The following CAMK2D variants were observed in gnomAD, a reference collection of about 807,000 sequenced individuals.
CAMK2D encodes calcium/calmodulin-dependent protein kinase type II subunit delta.
A neutral mutation model predicts 84.0 loss-of-function variants in CAMK2D; 37 were observed. That is an observed-to-expected ratio of 0.44 (90% CI 0.34 to 0.58). CAMK2D has a LOEUF of 0.58. Among genes scored for constraint, CAMK2D ranks in the 20% least tolerant of loss-of-function variants. The probability of loss-of-function intolerance (pLI) is 0.02; values close to 1 mark genes in which losing one functional copy is unlikely to be tolerated. For missense variants in CAMK2D, 448 were observed against 652.5 expected, an observed-to-expected ratio of 0.69 and a Z score of 3.41; for synonymous variants, 202 against 212.5, an observed-to-expected ratio of 0.95 and a Z score of 0.43.
rs1486170543 is a variant in CAMK2D at position 113,503,083 on chromosome 4, A to G, written c.1045-106T>C. On this transcript the variant is annotated intron_variant, in intron 14 of 20. Coordinates refer to ENST00000511664, the MANE Select transcript of CAMK2D (RefSeq NM_001321571.2). ...AGCCAGCTGACAAAATGAAATAGTG[A>G]CAAGAGCTAAAGCGATGTTAACTGC... is the stretch of plus-strand genomic sequence containing the variant. The G allele has an allele frequency of 2.4e-5, 20 of 825,240 alleles. 1 individual carries two copies. Among genetic ancestry groups the G allele is most frequent in the South Asian group, 2.3e-4 (17 of 74,400 alleles). The allele number at this position is 825,240 out of a possible 1,614,324, so 51.1% of individuals were successfully genotyped here. A position where few individuals can be genotyped will look rare whatever the true frequency, so the allele number is the denominator to read the frequency against.
chr4:113,656,763 G>T (rs2099202503), intron 3 of CAMK2D, among the ~76,000 whole-genome samples: 1 of 152,006 alleles, frequency 6.6e-6, no homozygotes, highest in Non-Finnish European at 1.5e-5. Context: ...CTGTCATTTA[G>T]ATATCAGTTT....
intron 4 of CAMK2D, among the ~76,000 whole-genome samples, chr4:113,571,946 A>T (rs997260238): frequency 6.6e-6 from 1 of 152,220 alleles, no homozygotes; most frequent in Admixed American, 6.5e-5. Flanking sequence ...CTCAAACAAC[A>T]TACTCTCGAA....
intron 4 of CAMK2D, among the ~76,000 whole-genome samples, chr4:113,600,014 T>C (rs1050998184): frequency 6.6e-6 from 1 of 152,204 alleles, no homozygotes; most frequent in African/African-American, 2.4e-5. Flanking sequence ...CTGACTTTAT[T>C]ACTAAGTGAA....
chr4:113,725,103 G>A (rs1285943354), intron 2 of CAMK2D, among the ~76,000 whole-genome samples: 1 of 151,902 alleles, frequency 6.6e-6, no homozygotes, highest in Non-Finnish European at 1.5e-5. Context: ...TAATTTAATA[G>A]GCTTAAGATG....
intron 2 of CAMK2D, among the ~76,000 whole-genome samples, chr4:113,751,395 A>G (rs2099616897): frequency 6.6e-6 from 1 of 152,204 alleles, no homozygotes; most frequent in African/African-American, 2.4e-5. Context: ...ATTTTGATAA[A>G]TTTTCACTTA....
intron 2 of CAMK2D, among the ~76,000 whole-genome samples, chr4:113,707,113 A>C (rs1184064109): frequency 6.6e-6 from 1 of 152,186 alleles, no homozygotes; most frequent in Non-Finnish European, 1.5e-5. Context: ...ATAGCGAGCC[A>C]CCATTCTCGT....
At chr4:113,473,376 C>A (rs1013773562) in intron 16 of CAMK2D, among the ~76,000 whole-genome samples, 1 of 152,128 alleles carries the variant, frequency 6.6e-6, no homozygotes, top group Non-Finnish European at 1.5e-5. Flanking sequence ...CGGCTTGTTT[C>A]TCTGTGACTT....
intron 3 of CAMK2D, among the ~76,000 whole-genome samples, chr4:113,625,976 T>C (rs2099066488): frequency 6.7e-6 from 1 of 150,374 alleles, no homozygotes; most frequent in Admixed American, 6.6e-5. Flanking sequence ...ATTGCACCAC[T>C]GCACCCCAGC....
At chr4:113,589,474 G>T (rs2098849838) in intron 4 of CAMK2D, among the ~76,000 whole-genome samples, 2 of 152,120 alleles carry the variant, frequency 1.3e-5, no homozygotes, top group South Asian at 4.2e-4. Context: ...GGAGCGGAGT[G>T]AAATATATTC....
intron 16 of CAMK2D, among the ~76,000 whole-genome samples, chr4:113,487,505 A>G (rs1024254627): frequency 2.6e-5 from 4 of 152,108 alleles, no homozygotes; most frequent in Non-Finnish European, 5.9e-5. Flanking sequence ...CATAGCAAAT[A>G]ATTAGGATTT....
chr4:113,464,525 T>C (rs1029671767), intron 17 of CAMK2D, among the ~76,000 whole-genome samples: 2 of 152,366 alleles, frequency 1.3e-5, no homozygotes, highest in East Asian at 1.9e-4. Flanking sequence ...ATCTCCGTTT[T>C]GCATTTTAAG....
intron 16 of CAMK2D, among the ~76,000 whole-genome samples, chr4:113,478,254 C>G (rs866658988): frequency 2.6e-5 from 4 of 152,184 alleles, no homozygotes; most frequent in South Asian, 4.1e-4. Context: ...GTTAATTTAA[C>G]TAACCCAGAT....
At chr4:113,678,826 AAGAC>A (rs553026852) in intron 2 of CAMK2D, among the ~76,000 whole-genome samples, 248 of 152,292 alleles carry the variant, frequency 1.6e-3, no homozygotes, top group African/African-American at 5.3e-3. Context: ...ATAAAATACA[AAGAC>A]AGAAAACTGC....
chr4:113,696,975 T>G (rs1408204953), intron 2 of CAMK2D, among the ~76,000 whole-genome samples: 1 of 152,078 alleles, frequency 6.6e-6, no homozygotes, highest in Non-Finnish European at 1.5e-5. Context: ...AAAAGCAGCA[T>G]AATAAGAACT....
At chr4:113,538,762 A>G (rs1378090626) in intron 6 of CAMK2D, among the ~76,000 whole-genome samples, 1 of 152,164 alleles carries the variant, frequency 6.6e-6, no homozygotes, top group Non-Finnish European at 1.5e-5. Context: ...ATTAGCAAAG[A>G]CCCATAACCA....
intron 2 of CAMK2D, among the ~76,000 whole-genome samples, chr4:113,716,370 C>A (rs1188960444): frequency 6.6e-6 from 1 of 152,126 alleles, no homozygotes; most frequent in Non-Finnish European, 1.5e-5. Flanking sequence ...CAAGCTTGGG[C>A]TGGGCATGGT....
Position 113,478,487 on chromosome 4 carries a change from T to C in CAMK2D, c.1136-12883A>G, listed in dbSNP as rs193208620. Among the ~76,000 whole-genome samples, 248 of 152,328 alleles carry C rather than the reference T, an allele frequency of 1.6e-3. 1 individual carries two copies. The highest frequency in any genetic ancestry group is 3.1e-3 in the Non-Finnish European group (212 of 68,020). Reference sequence around the variant, plus strand: ...TAGGCTTCTCTCTTCTTATAAAGATTATGAGTGAAGAGCTTCTATTTCTTG... The same window carrying C: ...TAGGCTTCTCTCTTCTTATAAAGATCATGAGTGAAGAGCTTCTATTTCTTG... On this transcript the variant is annotated intron_variant, in intron 16 of 20. Coordinates refer to ENST00000511664, the MANE Select transcript of CAMK2D (RefSeq NM_001321571.2).
intron 2 of CAMK2D, among the ~76,000 whole-genome samples, chr4:113,685,993 G>A (rs915538236): frequency 6.6e-6 from 1 of 151,972 alleles, no homozygotes; most frequent in Non-Finnish European, 1.5e-5. Context: ...GAACCTGGGA[G>A]GCGGAGATTG....
chr4:113,720,373 C>A (rs1205191568), intron 2 of CAMK2D, among the ~76,000 whole-genome samples: 1 of 151,420 alleles, frequency 6.6e-6, no homozygotes, highest in South Asian at 2.1e-4. Flanking sequence ...TTCTCACACA[C>A]ACACACACAC....
Sources: gnomAD v4.1 joint callset for allele counts (sites outside exome capture counted in the v4.1 genomes callset) on GRCh38, gnomAD v4.1.1 for gene constraint, MANE v1.5 for transcripts, NCBI Gene and HGNC (gene_info 2026-07-23, HGNC 2026-07-21) for gene names.